Variants in FRMD5 observed in about 807,000 individuals in gnomAD.
FRMD5 encodes the protein FERM domain-containing protein 5.
In FRMD5, 20 loss-of-function variants were observed where a neutral mutation model predicts 69.0. The ratio of observed to expected loss-of-function variants is 0.29; its 90% confidence interval spans 0.20 to 0.42. The LOEUF is 0.42. FRMD5 is among the 10% of genes least tolerant of loss of function. The pLI is 1.00. For missense variants in FRMD5, 595 were observed against 708.6 expected (o/e 0.84, Z 1.82); for synonymous variants, 271 against 260.1 (o/e 1.04, Z -0.40).
intron 5 of FRMD5, 33 bp downstream of exon 5, chr15:43,909,849 G>A: frequency 7.3e-7 from 1 of 1,362,856 alleles, no homozygotes; most frequent in South Asian, 1.2e-5. Flanking sequence ...TACTTGGCAT[G>A]AAAAGCAAAC....
intron 1 of FRMD5, among the ~76,000 whole-genome samples, chr15:44,183,302 C>T (rs1415930645): frequency 6.6e-6 from 1 of 152,046 alleles, no homozygotes; most frequent in African/African-American, 2.4e-5. Flanking sequence ...CTAAAACGCT[C>T]CTGTTATCCT....
At chr15:43,876,219 G>A in intron 13 of FRMD5, 1 of 1,586,436 alleles carries the variant, frequency 6.3e-7, no homozygotes, top group Non-Finnish European at 8.6e-7. Flanking sequence ...CGCTTTTCCA[G>A]AACCACTTTT....
intron 1 of FRMD5, among the ~76,000 whole-genome samples, chr15:44,098,029 C>G (rs2076578241): frequency 6.6e-6 from 1 of 150,880 alleles, no homozygotes; most frequent in Non-Finnish European, 1.5e-5. Context: ...CCTGGCCTGA[C>G]CCTGTGTTAT....
intron 1 of FRMD5, among the ~76,000 whole-genome samples, chr15:44,033,920 C>CA (rs1357594312): frequency 6.6e-6 from 1 of 152,074 alleles, no homozygotes; most frequent in Non-Finnish European, 1.5e-5. Context: ...ATTAAGTGTT[C>CA]AATAAAAGGT....
chr15:44,069,833 C>T (rs908743970), intron 1 of FRMD5, among the ~76,000 whole-genome samples: 4 of 152,142 alleles, frequency 2.6e-5, no homozygotes, highest in East Asian at 1.9e-4. Flanking sequence ...AGGCTCTCCT[C>T]TTTGTATTAT....
At chr15:44,196,992 A>G (rs1005170187), upstream of FRMD5, among the ~76,000 whole-genome samples, 2 of 152,196 alleles carry the variant, frequency 1.3e-5, no homozygotes, top group Non-Finnish European at 2.9e-5. Context: ...TAGCTTCAGC[A>G]GGTAGTCTGA....
At chr15:43,982,081 C>T (rs2090556880) in intron 1 of FRMD5, among the ~76,000 whole-genome samples, 1 of 152,214 alleles carries the variant, frequency 6.6e-6, no homozygotes, top group Non-Finnish European at 1.5e-5. Context: ...GTAATCCTTC[C>T]AGACTTTCAT....
upstream of FRMD5, among the ~76,000 whole-genome samples, chr15:44,199,328 G>C (rs932691788): frequency 2.0e-5 from 3 of 152,162 alleles, no homozygotes; most frequent in African/African-American, 7.2e-5. Context: ...TACAGGCCTG[G>C]CCTTACTGTC....
intron 6 of FRMD5, among the ~76,000 whole-genome samples, chr15:43,904,156 T>C (rs2089115384): frequency 6.6e-6 from 1 of 152,036 alleles, no homozygotes; most frequent in Non-Finnish European, 1.5e-5. Context: ...TAAGGAGGCT[T>C]TGGGTTATAT....
intron 1 of FRMD5, among the ~76,000 whole-genome samples, chr15:43,987,383 CCTT>C (rs1889442550): frequency 6.6e-6 from 1 of 152,108 alleles, no homozygotes; most frequent in South Asian, 2.1e-4. Flanking sequence ...AGTGAAAGAG[CCTT>C]CTTGCTGATA....
At chr15:43,889,078 A>C (rs2088734353) in intron 8 of FRMD5, among the ~76,000 whole-genome samples, 1 of 152,194 alleles carries the variant, frequency 6.6e-6, no homozygotes, top group Non-Finnish European at 1.5e-5. Flanking sequence ...CTGGTCAATC[A>C]CACTATAGTA....
intron 1 of FRMD5, among the ~76,000 whole-genome samples, chr15:44,003,765 C>G (rs1269196739): frequency 6.6e-6 from 1 of 152,222 alleles, no homozygotes; most frequent in East Asian, 1.9e-4. Context: ...TTTCCTTACC[C>G]TACTCTATGT....
chr15:43,998,191 A>G (rs1463541338), intron 1 of FRMD5, among the ~76,000 whole-genome samples: 3 of 152,226 alleles, frequency 2.0e-5, no homozygotes, highest in Non-Finnish European at 4.4e-5. Context: ...AAATGGGGAT[A>G]AGACTATCGC....
chr15:43,964,911 G>A (rs1394630041), intron 1 of FRMD5, among the ~76,000 whole-genome samples: 1 of 152,166 alleles, frequency 6.6e-6, no homozygotes, highest in Non-Finnish European at 1.5e-5. Flanking sequence ...TACCATGACT[G>A]TAGGCAAAAG....
At chr15:44,120,002 A>C (rs1334170812) in intron 1 of FRMD5, among the ~76,000 whole-genome samples, 1 of 152,204 alleles carries the variant, frequency 6.6e-6, no homozygotes, top group African/African-American at 2.4e-5. Context: ...CATAATAAGC[A>C]ATAAACAGCA....
At chr15:43,936,254 A>G (rs1302983149) in intron 1 of FRMD5, among the ~76,000 whole-genome samples, 1 of 152,154 alleles carries the variant, frequency 6.6e-6, no homozygotes, top group African/African-American at 2.4e-5. Flanking sequence ...GTACAGTGGC[A>G]CAATCACCGC....
At chr15:44,114,659 T>C (rs1262267759) in intron 1 of FRMD5, among the ~76,000 whole-genome samples, 1 of 152,234 alleles carries the variant, frequency 6.6e-6, no homozygotes, top group African/African-American at 2.4e-5. Context: ...TGAAAGAATA[T>C]GTTTACAAAG....
chr15:43,915,043 A>G (rs1010023779), intron 4 of FRMD5, among the ~76,000 whole-genome samples: 13 of 152,168 alleles, frequency 8.5e-5, no homozygotes, highest in Admixed American at 5.9e-4. Flanking sequence ...TACCATTTTA[A>G]TCCTTGTTTA....
intron 5 of FRMD5, among the ~76,000 whole-genome samples, chr15:43,908,315 C>A (rs1192846148): frequency 8.1e-6 from 1 of 124,010 alleles, no homozygotes; most frequent in Non-Finnish European, 1.7e-5. Flanking sequence ...GGGACAGAGC[C>A]AGATCCTGTC....
Sources: gnomAD v4.1 joint callset for allele counts (sites outside exome capture counted in the v4.1 genomes callset) on GRCh38, gnomAD v4.1.1 for gene constraint, MANE v1.5 for transcripts, NCBI Gene and HGNC (gene_info 2026-07-23, HGNC 2026-07-21) for gene names.